DNAH9: variants seen among roughly 807,000 people sequenced by gnomAD.
DNAH9 encodes dynein axonemal heavy chain 9, also known as DNAH9 variant protein.
A neutral mutation model predicts 471.6 loss-of-function variants in DNAH9; 345 were observed. That is an observed-to-expected ratio of 0.73 (90% CI 0.67 to 0.80). The LOEUF (loss-of-function observed/expected upper bound fraction) is 0.80. DNAH9 is among the 30% of genes least tolerant of loss of function. The pLI is 0.00. For synonymous variants in DNAH9, 2,093 were observed against 2,123.6 expected (o/e 0.99, Z 0.40); for missense variants, 5,407 against 5,609.2 (o/e 0.96, Z 1.15).
chr17:11,940,181 C>T (rs945706994), intron 66 of DNAH9, among the ~76,000 whole-genome samples: 2 of 152,148 alleles, frequency 1.3e-5, no homozygotes, highest in South Asian at 2.1e-4. Flanking sequence ...AGGTGGACTC[C>T]GTCCCTTGGA....
intron 26 of DNAH9, among the ~76,000 whole-genome samples, chr17:11,706,149 A>G (rs576320256): frequency 1.3e-5 from 2 of 152,336 alleles, no homozygotes; most frequent in African/African-American, 4.8e-5. Flanking sequence ...TAAGGAGGTT[A>G]GTATATAAGT....
chr17:11,880,261 TCATGAAG>T (rs879397302), intron 54 of DNAH9, 61 bp downstream of exon 54: 72 of 1,592,096 alleles, frequency 4.5e-5, no homozygotes, highest in Non-Finnish European at 5.9e-5. Flanking sequence ...CTGGTTAGAA[TCATGAAG>T]AGGTCTGCTC....
intron 67 of DNAH9, among the ~76,000 whole-genome samples, chr17:11,956,712 ATAATTC>A (rs1173300146): frequency 9.9e-5 from 15 of 152,114 alleles, no homozygotes; most frequent in Admixed American, 9.8e-4. Context: ...ATATTTCTAA[ATAATTC>A]TAACTATATT....
At chr17:11,603,871 C>G (rs1019521744) in intron 1 of DNAH9, among the ~76,000 whole-genome samples, 1 of 152,136 alleles carries the variant, frequency 6.6e-6, no homozygotes, top group Non-Finnish European at 1.5e-5. Flanking sequence ...AATCAGTCCT[C>G]GTTCGGCTTG....
chr17:11,735,065 G>A (rs2075323719), intron 28 of DNAH9, among the ~76,000 whole-genome samples: 3 of 152,158 alleles, frequency 2.0e-5, no homozygotes, highest in African/African-American at 4.8e-5. Flanking sequence ...AATTTGCATG[G>A]GAATTGGTTT....
chr17:11,705,000 A>G (rs751207667), intron 25 of DNAH9, 25 bp from the exon 26 acceptor site: 2 of 1,610,214 alleles, frequency 1.2e-6, no homozygotes, highest in South Asian at 2.2e-5. Flanking sequence ...TGATTCACCC[A>G]CCTACTCTAC....
Position 11,961,995 on chromosome 17 carries a change from C to T in DNAH9, c.12972C>T (p.Leu4324=). 1.2e-6 allele frequency: 2 copies of T among 1,614,158 alleles called. No individual in the cohort carries two copies. Among genetic ancestry groups the T allele is most frequent in the East Asian group, 2.2e-5 (1 of 44,860 alleles). The change falls in exon 68 of 69, where the codon CTC becomes CTT. Residue 4324 remains leucine, a synonymous_variant. Coordinates refer to ENST00000262442, the MANE Select transcript of DNAH9 (RefSeq NM_001372.4). ...GCCTGGCAGCCTGGTTTCCAGACCT[C>T]CTCAACAGAATCAAGGAGCTAGAGG... ...TAGLAAWFPD[L]LNRIKELEAW...
chr17:11,701,010 T>C lies in DNAH9; in HGVS notation c.5026-112T>C. ...CTTCTGGCAGCCACTTGGGGCTGTATACAATGTGTGGGCTCCCTTTCCTTC... is the reference window on the plus strand; with the variant it reads ...CTTCTGGCAGCCACTTGGGGCTGTACACAATGTGTGGGCTCCCTTTCCTTC... On this transcript the variant is annotated intron_variant, in intron 23 of 68. Transcript: ENST00000262442. 7 of 1,169,214 alleles carry C rather than the reference T, an allele frequency of 6.0e-6. No individual in the cohort carries two copies. The South Asian group carries it at 9.7e-5, about 16-fold the overall frequency. The allele number at this position is 1,169,214 out of a possible 1,614,324, so 72.4% of individuals were successfully genotyped here. A position where few individuals can be genotyped will look rare whatever the true frequency, so the allele number is the denominator to read the frequency against.
chr17:11,821,784 A>G (rs2150940386), intron 45 of DNAH9, 136 bp from the exon 46 acceptor site: 2 of 916,860 alleles, frequency 2.2e-6, no homozygotes, highest in East Asian at 2.5e-5. Context: ...GTGTCTGTCC[A>G]GCTTCACCAG....
chr17:11,827,507 A>C (rs1409386557), intron 48 of DNAH9, among the ~76,000 whole-genome samples: 1 of 152,168 alleles, frequency 6.6e-6, no homozygotes, highest in Non-Finnish European at 1.5e-5. Flanking sequence ...ACTAACTCCC[A>C]CAAGTGCAGT....
intron 1 of DNAH9, among the ~76,000 whole-genome samples, chr17:11,606,285 G>A (rs1021553660): frequency 3.3e-5 from 5 of 152,000 alleles, no homozygotes; most frequent in African/African-American, 1.2e-4. Flanking sequence ...AGTCATATGA[G>A]TTCATATTTC....
intron 36 of DNAH9, among the ~76,000 whole-genome samples, chr17:11,764,781 T>C (rs1216495934): frequency 6.6e-6 from 1 of 151,844 alleles, no homozygotes; most frequent in Non-Finnish European, 1.5e-5. Context: ...ACAATAACAA[T>C]AACAACGATA....
intron 43 of DNAH9, among the ~76,000 whole-genome samples, chr17:11,807,460 C>T (rs1213878450): frequency 6.6e-6 from 1 of 152,210 alleles, no homozygotes; most frequent in African/African-American, 2.4e-5. Flanking sequence ...TATCGCATCA[C>T]TCATCCCCTG....
intron 38 of DNAH9, 42 bp downstream of exon 38, chr17:11,769,371 GC>G (rs1208301087): frequency 3.9e-6 from 6 of 1,544,002 alleles, no homozygotes; most frequent in Middle Eastern, 1.9e-4. Flanking sequence ...CATCTGGGTG[GC>G]CGTGTCACCT....
chr17:11,899,808 C>G lies in DNAH9; in HGVS notation c.11407-2911C>G, dbSNP rs367589756. ...AGCAGCTGCAGCTTTCTCAGCCTGT[C>G]AAGAGCCCTCCTGCTGGCCAGGCAG... On this transcript the variant is annotated intron_variant, in intron 59 of 68. Transcript: ENST00000262442. Among the ~76,000 whole-genome samples, 20 of 152,278 alleles carry G rather than the reference C, an allele frequency of 1.3e-4. No homozygotes were observed. In the South Asian group the frequency reaches 3.3e-3, roughly 25 times the overall value.
chr17:11,723,159 C>A (rs577827997), intron 27 of DNAH9: 5 of 152,294 alleles, frequency 3.3e-5, no homozygotes, highest in Non-Finnish European at 5.9e-5. Context: ...CCGTCTCTCT[C>A]TAATGGGGCA....
intron 17 of DNAH9, among the ~76,000 whole-genome samples, chr17:11,676,363 A>G (rs1200228697): frequency 7.0e-6 from 1 of 143,590 alleles, no homozygotes; most frequent in Non-Finnish European, 1.5e-5. Context: ...GCTCACTGCA[A>G]CCTCCACCTC....
chr17:11,724,790 C>T (rs9901570), intron 27 of DNAH9, among the ~76,000 whole-genome samples: 93,255 of 152,016 alleles, frequency 0.61, 30,336 homozygotes, highest in Admixed American at 0.76. Flanking sequence ...GGGATGGTCT[C>T]GGGATGATTC....
intron 26 of DNAH9, among the ~76,000 whole-genome samples, chr17:11,712,098 AT>A (rs2074871597): frequency 9.3e-6 from 1 of 107,890 alleles, no homozygotes; most frequent in Admixed American, 1.2e-4. Context: ...ATATATATTT[AT>A]ATATAAATAT....
Sources: gnomAD v4.1 joint callset for allele counts (sites outside exome capture counted in the v4.1 genomes callset) on GRCh38, gnomAD v4.1.1 for gene constraint, MANE v1.5 for transcripts, NCBI Gene and HGNC (gene_info 2026-07-23, HGNC 2026-07-21) for gene names.